Variants in GASK1A observed in about 807,000 individuals in gnomAD.
GASK1A encodes golgi associated kinase 1A.
GASK1A carries 40 observed loss-of-function variants against 41.2 expected under a neutral mutation model. That is an observed-to-expected ratio of 0.97 (90% CI 0.75 to 1.27). GASK1A has a LOEUF of 1.27. GASK1A is among the 50% of genes most tolerant of loss of function. GASK1A has a pLI of 0.00. For missense variants in GASK1A, 678 were observed against 745.1 expected, an observed-to-expected ratio of 0.91 and a Z score of 1.05; for synonymous variants, 316 against 307.1, an observed-to-expected ratio of 1.03 and a Z score of -0.30.
At chr3:43,039,263 C>T (rs1392652769) in intron 2 of GASK1A, among the ~76,000 whole-genome samples, 16 of 140,804 alleles carry the variant, frequency 1.1e-4, no homozygotes, top group South Asian at 2.5e-4. Context: ...AGTACAATGG[C>T]GCAATCTTGG....
At chr3:43,027,541 T>A (rs1174320494) in intron 1 of GASK1A, among the ~76,000 whole-genome samples, 1 of 152,050 alleles carries the variant, frequency 6.6e-6, no homozygotes, top group Non-Finnish European at 1.5e-5. Flanking sequence ...ATACTAGTTA[T>A]GAAAATTGAA....
chr3:42,995,349 G>A (rs2089363705), intron 1 of GASK1A, among the ~76,000 whole-genome samples: 1 of 152,194 alleles, frequency 6.6e-6, no homozygotes, highest in Non-Finnish European at 1.5e-5. Flanking sequence ...GTCATTGAGA[G>A]AGAGTGTCAT....
chr3:43,025,567 G>A (rs147460019), intron 1 of GASK1A, among the ~76,000 whole-genome samples: 1 of 152,200 alleles, frequency 6.6e-6, no homozygotes, highest in Non-Finnish European at 1.5e-5. Flanking sequence ...GGGCTTCAAG[G>A]GTGGTCTTTC....
At chr3:43,045,730 C>A (rs1459272977) in intron 2 of GASK1A, among the ~76,000 whole-genome samples, 1 of 152,076 alleles carries the variant, frequency 6.6e-6, no homozygotes, top group Non-Finnish European at 1.5e-5. Context: ...GAATTGTAAT[C>A]CCCATAATCC....
chr3:43,005,243 G>A (rs2089430364), intron 1 of GASK1A, among the ~76,000 whole-genome samples: 1 of 152,178 alleles, frequency 6.6e-6, no homozygotes, highest in African/African-American at 2.4e-5. Flanking sequence ...CACAGGTTTG[G>A]GGATTAGGAC....
chr3:42,990,648 G>A (rs1283006163), intron 1 of GASK1A, among the ~76,000 whole-genome samples: 1 of 152,204 alleles, frequency 6.6e-6, no homozygotes, highest in Non-Finnish European at 1.5e-5. Context: ...TCTACTTAAT[G>A]ACAGTCATTG....
intron 1 of GASK1A, among the ~76,000 whole-genome samples, chr3:42,980,730 G>GT: frequency 6.6e-6 from 1 of 152,144 alleles, no homozygotes; most frequent in East Asian, 1.9e-4. Flanking sequence ...TGAGGCTAGG[G>GT]GTGTGTGTAT....
chr3:43,011,581 G>C (rs572422850), intron 1 of GASK1A, among the ~76,000 whole-genome samples: 1 of 152,274 alleles, frequency 6.6e-6, no homozygotes, highest in African/African-American at 2.4e-5. Context: ...GTCACAGAAA[G>C]GGACAATGTG....
At chr3:43,051,230 T>A (rs948410920) in intron 2 of GASK1A, among the ~76,000 whole-genome samples, 9 of 152,236 alleles carry the variant, frequency 5.9e-5, no homozygotes, top group Admixed American at 3.9e-4. Flanking sequence ...TTTATTTTTA[T>A]GAACAAATTC....
intron 2 of GASK1A, among the ~76,000 whole-genome samples, chr3:43,035,951 T>A (rs1369276795): frequency 6.6e-6 from 1 of 152,182 alleles, no homozygotes; most frequent in Non-Finnish European, 1.5e-5. Flanking sequence ...TGAATCACAG[T>A]CATTCAGCTG....
At chr3:42,987,728 G>A (rs1020808665) in intron 1 of GASK1A, among the ~76,000 whole-genome samples, 1 of 152,060 alleles carries the variant, frequency 6.6e-6, no homozygotes, top group African/African-American at 2.4e-5. Flanking sequence ...GCTGGGTGTG[G>A]TGGCTCACAC....
intron 1 of GASK1A, among the ~76,000 whole-genome samples, chr3:42,998,120 C>A (rs2089386511): frequency 6.6e-6 from 1 of 152,182 alleles, no homozygotes; most frequent in African/African-American, 2.4e-5. Context: ...TGGGACATCG[C>A]CTCACTGTCC....
chr3:42,991,025 C>T (rs2125673846), intron 1 of GASK1A, among the ~76,000 whole-genome samples: 1 of 152,178 alleles, frequency 6.6e-6, no homozygotes, highest in South Asian at 2.1e-4. Context: ...CCCTGAAGTC[C>T]CTTGGACCTG....
chr3:42,994,739 T>C (rs2089360977), intron 1 of GASK1A, among the ~76,000 whole-genome samples: 1 of 152,102 alleles, frequency 6.6e-6, no homozygotes, highest in South Asian at 2.1e-4. Flanking sequence ...AATTAGGCTT[T>C]CTCCCTAATT....
At chr3:42,996,245 A>G (rs963241188) in intron 1 of GASK1A, among the ~76,000 whole-genome samples, 8 of 152,238 alleles carry the variant, frequency 5.3e-5, no homozygotes, top group Admixed American at 4.6e-4. Context: ...CATCATGGTA[A>G]TAGCAACAAT....
chr3:43,021,850 G>C (rs1055340653), intron 1 of GASK1A, among the ~76,000 whole-genome samples: 4 of 152,188 alleles, frequency 2.6e-5, no homozygotes, highest in Non-Finnish European at 4.4e-5. Context: ...AACTGTGGGT[G>C]GATGGGACTG....
At chr3:43,001,850 CT>C (rs1643734999) in intron 1 of GASK1A, among the ~76,000 whole-genome samples, 2 of 152,136 alleles carry the variant, frequency 1.3e-5, no homozygotes, top group Admixed American at 1.3e-4. Context: ...TGCCTCACCC[CT>C]TCCCCTTCTC....
At chr3:42,994,651 A>G (rs1008457053) in intron 1 of GASK1A, among the ~76,000 whole-genome samples, 3 of 152,038 alleles carry the variant, frequency 2.0e-5, no homozygotes, top group African/African-American at 7.2e-5. Context: ...TCTTCTCTGA[A>G]TCCAAGAGGG....
chr3:43,000,458 C>T (rs2089403057), intron 1 of GASK1A, among the ~76,000 whole-genome samples: 2 of 152,236 alleles, frequency 1.3e-5, no homozygotes, highest in Non-Finnish European at 2.9e-5. Flanking sequence ...GCAAGATTCT[C>T]CAGGCTTGGC....
Sources: allele counts gnomAD v4.1 joint callset (sites outside exome capture counted in the v4.1 genomes callset), GRCh38; gene constraint gnomAD v4.1.1; transcripts MANE v1.5; gene names NCBI Gene and HGNC (gene_info 2026-07-23, HGNC 2026-07-21).